The following VPS4B variants were observed in gnomAD, a reference collection of about 807,000 sequenced individuals.
VPS4B encodes vacuolar protein sorting-associated protein 4B.
A neutral mutation model predicts 56.1 loss-of-function variants in VPS4B; 23 were observed. The ratio of observed to expected loss-of-function variants is 0.41; its 90% CI spans 0.30 to 0.58. The LOEUF is 0.58. Among genes scored for constraint, VPS4B ranks in the 20% least tolerant of loss-of-function variants. The pLI is 0.29. For missense variants in VPS4B, 372 were observed against 531.9 expected, an observed-to-expected ratio of 0.70 and a Z score of 2.96; for synonymous variants, 177 against 186.0, an observed-to-expected ratio of 0.95 and a Z score of 0.39.
Position 63,407,471 on chromosome 18 carries a change from C to T in VPS4B, c.325G>A (p.Asp109Asn). The T allele has an allele frequency of 6.2e-7, 1 of 1,610,050 alleles. No individual in the cohort carries two copies. Among genetic ancestry groups the T allele is most frequent in the Non-Finnish European group, 8.5e-7 (1 of 1,178,752 alleles). ...GNDSDGEGES[D>N]DPEKKKLQNQ... ...TGTAGTTTCTTTTTTTCAGGATCATCAGATTCTCCTTCCCCATCACTGTCA... is the reference window on the plus strand; with the variant it reads ...TGTAGTTTCTTTTTTTCAGGATCATTAGATTCTCCTTCCCCATCACTGTCA... The change falls in exon 4 of 11, where the codon GAT becomes AAT. Residue 109 changes from aspartate to asparagine, a missense_variant. This residue lies in a region of VPS4B where 153 missense variants were observed against 190.3 expected (regional missense o/e 0.80). Coordinates refer to ENST00000238497, the MANE Select transcript of VPS4B (RefSeq NM_004869.4).
intron 1 of VPS4B, among the ~76,000 whole-genome samples, chr18:63,412,942 A>G (rs1231312935): frequency 6.6e-6 from 1 of 152,238 alleles, no homozygotes; most frequent in Non-Finnish European, 1.5e-5. Flanking sequence ...ATCTTATGAC[A>G]AAACTTTTGC....
At chr18:63,410,200 A>G (rs1011546574) in intron 3 of VPS4B, 90 bp downstream of exon 3, 62 of 1,538,684 alleles carry the variant, frequency 4.0e-5, no homozygotes, top group Middle Eastern at 1.7e-4. Context: ...CCCATGAGCC[A>G]TAGTTTGCTG....
At chr18:63,404,416 A>C (rs1044661463) in intron 4 of VPS4B, 2 of 152,168 alleles carry the variant, frequency 1.3e-5, no homozygotes, top group Non-Finnish European at 2.9e-5. Flanking sequence ...ACCCCTGCAG[A>C]TTTGCAATAC....
At chr18:63,398,224 T>TATATATATATATATATATATA (rs200704125) in intron 8 of VPS4B, among the ~76,000 whole-genome samples, 7 of 46,788 alleles carry the variant, frequency 1.5e-4, no homozygotes, top group African/African-American at 4.4e-4. Context: ...TATATATATA[T>TATATATATATATATATATATA]TTTTTTTTGA....
At chr18:63,415,950 C>T (rs1038470589) in intron 1 of VPS4B, 1 of 213,650 alleles carries the variant, frequency 4.7e-6, no homozygotes, top group Admixed American at 4.7e-5. Flanking sequence ...CTTCAAAGAG[C>T]TTGGAATGCT....
rs1262411520 is a variant in VPS4B at position 63,422,438 on chromosome 18, G to A, written c.-179C>T. On this transcript the variant is annotated 5_prime_UTR_variant, in exon 1 of 11. Transcript: ENST00000238497. ...ACAACACTCTCTCCACCAGAGCTCC[G>A]ACCCTCCCCACCAAACTTCCGCAAT... 1.3e-5 allele frequency: 6 copies of A among 469,374 alleles called. No homozygotes were observed. Among genetic ancestry groups the A allele is most frequent in the East Asian group, 1.1e-4 (3 of 27,600 alleles). 29.1% of individuals were successfully genotyped at this position (469,374 alleles called of 1,614,324 possible).
At chr18:63,397,590 A>T (rs1599356908) in intron 8 of VPS4B, among the ~76,000 whole-genome samples, 4 of 152,322 alleles carry the variant, frequency 2.6e-5, no homozygotes, top group South Asian at 2.1e-4. Context: ...AATGATTAAC[A>T]ATATAAAACA....
intron 4 of VPS4B, among the ~76,000 whole-genome samples, chr18:63,404,194 T>C (rs1241833055): frequency 6.6e-6 from 1 of 152,166 alleles, no homozygotes; most frequent in Non-Finnish European, 1.5e-5. Flanking sequence ...TGGTTATATT[T>C]GAATACATTG....
chr18:63,399,948 G>A (rs1285388089), intron 7 of VPS4B, 100 bp downstream of exon 7: 10 of 1,095,476 alleles, frequency 9.1e-6, no homozygotes, highest in Non-Finnish European at 8.8e-6. Flanking sequence ...GAACCTGGGA[G>A]GTGGAGGTTG....
rs1568084680 is a variant in VPS4B at position 63,398,225 on chromosome 18, T to TATATATATA, written c.873-973_873-972insTATATATAT. Among the ~76,000 whole-genome samples the TATATATATA allele has an allele frequency of 5.1e-4, 28 of 55,032 alleles. 1 individual carries two copies. Among genetic ancestry groups the TATATATATA allele is most frequent in the African/African-American group, 1.3e-3 (28 of 21,022 alleles). 36.1% of individuals were successfully genotyped at this position (55,032 alleles called of 152,430 possible). ...CACACATATATATATATATATATAT[T>TATATATATA]TTTTTTTGAGATGGAGTCTCACTCT... On this transcript the variant is annotated intron_variant, in intron 8 of 10. Transcript: ENST00000238497.
intron 9 of VPS4B, among the ~76,000 whole-genome samples, chr18:63,395,239 C>T (rs1391132495): frequency 1.3e-5 from 2 of 152,074 alleles, no homozygotes; most frequent in Non-Finnish European, 2.9e-5. Context: ...GGACTGAGTT[C>T]CTATGCATTT....
Position 63,411,613 on chromosome 18 carries a change from C to A in VPS4B, c.28-35G>T. On this transcript the variant is annotated intron_variant, in intron 1 of 10. Coordinates refer to ENST00000238497, the MANE Select transcript of VPS4B (RefSeq NM_004869.4). ...GGAGGCAAAATAACAACATTTAAAT[C>A]AAAGCATAAACATAAATTTGAAGTA... is the stretch of plus-strand genomic sequence containing the variant. 2.1e-6 allele frequency: 3 copies of A among 1,421,972 alleles called. No homozygotes were observed. The South Asian group carries it at 4.4e-5, about 21-fold the overall frequency. The allele number at this position is 1,421,972 out of a possible 1,614,324, so 88.1% of individuals were successfully genotyped here. A position where few individuals can be genotyped will look rare whatever the true frequency, so the allele number is the denominator to read the frequency against.
chr18:63,393,272 A>G, intron 10 of VPS4B, 137 bp downstream of exon 10: 1 of 820,742 alleles, frequency 1.2e-6, no homozygotes, highest in Non-Finnish European at 1.7e-6. Flanking sequence ...AATTAACTTC[A>G]TAATTTTTAA....
At chr18:63,416,386 A>T (rs1459700379) in intron 1 of VPS4B, 1 of 154,868 alleles carries the variant, frequency 6.5e-6, no homozygotes, top group African/African-American at 2.4e-5. Context: ...GGAGTTCTTC[A>T]GTCTCAGACA....
intron 1 of VPS4B, chr18:63,415,960 T>G (rs1194117738): frequency 3.2e-5 from 7 of 220,648 alleles, no homozygotes; most frequent in Admixed American, 9.0e-5. Context: ...CTTGGAATGC[T>G]TAACAGGCTG....
At chr18:63,400,326 G>A in intron 6 of VPS4B, 130 bp from the exon 7 acceptor site, 1 of 1,138,060 alleles carries the variant, frequency 8.8e-7, no homozygotes, top group South Asian at 1.7e-5. Flanking sequence ...AAATAAGAAT[G>A]CTACAACTGG....
At chr18:63,422,188 C>A in intron 1 of VPS4B, 45 bp downstream of exon 1, 1 of 1,456,740 alleles carries the variant, frequency 6.9e-7, no homozygotes. Flanking sequence ...TCGCGCCTCC[C>A]CTCGATCCCA....
intron 10 of VPS4B, among the ~76,000 whole-genome samples, chr18:63,392,739 TACCTGGC>T (rs1915579006): frequency 7.1e-6 from 1 of 141,056 alleles, no homozygotes; most frequent in Non-Finnish European, 1.5e-5. Flanking sequence ...TGAGCCACCG[TACCTGGC>T]CCTATTTTTT....
rs139544128 is a variant in VPS4B, at chr18:63,391,075, G to T, written c.1235C>A (p.Ser412Ter). 1 of 1,599,730 alleles carries T rather than the reference G, an allele frequency of 6.3e-7. No individual in the cohort carries two copies. Among genetic ancestry groups the T allele is most frequent in the South Asian group, 1.1e-5 (1 of 90,572 alleles). Residue 412 changes from serine to a stop codon, truncating the protein, a stop_gained and splice_region_variant, in exon 11 of 11, where the codon TCG becomes TAG. Coordinates refer to ENST00000238497, the MANE Select transcript of VPS4B (RefSeq NM_004869.4). LOFTEE classifies it high-confidence loss of function. ...DKLLEPVVSM[S>*]DMLRSLSNTK... Reference sequence around the variant, plus strand: ...GTTAGATAGTGACCGCAACATATCCGACTGTCAGGGAAAAAGAAGGGTAGG... The same window carrying T: ...GTTAGATAGTGACCGCAACATATCCTACTGTCAGGGAAAAAGAAGGGTAGG...
Sources: gnomAD v4.1 joint callset for allele counts (sites outside exome capture counted in the v4.1 genomes callset) on GRCh38, gnomAD v4.1.1 for gene constraint, gnomAD v4.1.1 regional missense constraint, MANE v1.5 for transcripts, NCBI Gene and HGNC (gene_info 2026-07-23, HGNC 2026-07-21) for gene names.